Variants in MTX2 observed in about 807,000 individuals in gnomAD.
MTX2 encodes metaxin-2.
MTX2 carries 35 observed loss-of-function variants against 42.3 expected under a neutral mutation model. The ratio of observed to expected loss-of-function variants is 0.83; its 90% CI spans 0.63 to 1.10. The LOEUF is 1.10. MTX2 is among the 50% of genes least tolerant of loss of function. The pLI is 0.00. For synonymous variants in MTX2, 119 were observed against 100.9 expected (o/e 1.18, Z -1.08); for missense variants, 307 against 304.1 (o/e 1.01, Z -0.07).
intron 3 of MTX2, among the ~76,000 whole-genome samples, chr2:176,305,344 A>G (rs931234533): frequency 2.0e-5 from 3 of 152,056 alleles, no homozygotes; most frequent in African/African-American, 7.2e-5. Context: ...TCATTATAGG[A>G]GCTCAGAAAA....
intron 3 of MTX2, among the ~76,000 whole-genome samples, chr2:176,299,817 C>G (rs1683979515): frequency 6.6e-6 from 1 of 152,002 alleles, no homozygotes; most frequent in Admixed American, 6.6e-5. Context: ...GGATTATTTT[C>G]TAGAAGATAC....
At chr2:176,280,483 T>A (rs1693053239) in intron 1 of MTX2, among the ~76,000 whole-genome samples, 1 of 152,370 alleles carries the variant, frequency 6.6e-6, no homozygotes, top group African/African-American at 2.4e-5. Context: ...ACAGCCACTT[T>A]CTTATGTTTA....
chr2:176,337,279 C>G (rs1261136432), intron 9 of MTX2, among the ~76,000 whole-genome samples: 2 of 152,088 alleles, frequency 1.3e-5, no homozygotes, highest in Non-Finnish European at 2.9e-5. Context: ...TGAGTTCAAA[C>G]AGTCCGCCCA....
At chr2:176,320,063 T>C (rs1390897799) in intron 3 of MTX2, among the ~76,000 whole-genome samples, 2 of 152,142 alleles carry the variant, frequency 1.3e-5, no homozygotes, top group Non-Finnish European at 2.9e-5. Flanking sequence ...CTAACTAGAA[T>C]TATGCTATCA....
rs1316087881 is a variant in MTX2 at position 176,269,442 on chromosome 2, G to T, written c.-188G>T. ...AGTGCCGTTGTCGGCTGCGCCGGAAGTCCCTAGCCAGGCCTGGCGGTAACC... is the reference window on the plus strand; with the variant it reads ...AGTGCCGTTGTCGGCTGCGCCGGAATTCCCTAGCCAGGCCTGGCGGTAACC... On this transcript the variant is annotated 5_prime_UTR_variant, in exon 1 of 10. Transcript: ENST00000249442. The T allele has an allele frequency of 6.0e-5, 36 of 596,514 alleles. No homozygotes were observed. The highest frequency in any genetic ancestry group is 9.4e-5 in the Non-Finnish European group (35 of 371,632). 37.0% of individuals were successfully genotyped at this position (596,514 alleles called of 1,614,324 possible).
chr2:176,295,631 A>G lies in MTX2; in HGVS notation c.41-1229A>G, dbSNP rs114775560. On this transcript the variant is annotated intron_variant, in intron 1 of 9. Coordinates refer to ENST00000249442, the MANE Select transcript of MTX2 (RefSeq NM_006554.5). ...ATACAAGTTTAATTTTGTGTAGCCCAAACCAAACTAAACCTAAAAGTCACA... is the reference window on the plus strand; with the variant it reads ...ATACAAGTTTAATTTTGTGTAGCCCGAACCAAACTAAACCTAAAAGTCACA... 5.8e-3 allele frequency among the ~76,000 whole-genome samples: 879 copies of G among 152,290 alleles called. 4 individuals carry two copies. Among genetic ancestry groups the G allele is most frequent in the African/African-American group, 0.02 (827 of 41,566 alleles).
chr2:176,272,456 A>G (rs559067990), intron 1 of MTX2, among the ~76,000 whole-genome samples: 9 of 152,340 alleles, frequency 5.9e-5, no homozygotes, highest in African/African-American at 2.2e-4. Flanking sequence ...TGATGGATAT[A>G]TTAATTACCT....
At chr2:176,326,353 A>T (rs770267885) in intron 4 of MTX2, among the ~76,000 whole-genome samples, 1 of 151,680 alleles carries the variant, frequency 6.6e-6, no homozygotes, top group Non-Finnish European at 1.5e-5. Context: ...TAAAATGTTG[A>T]TCTCAATGGG....
At chr2:176,273,326 T>C (rs924297313) in intron 1 of MTX2, among the ~76,000 whole-genome samples, 5 of 152,230 alleles carry the variant, frequency 3.3e-5, no homozygotes, top group African/African-American at 1.2e-4. Context: ...TGTGTTTGAC[T>C]TGTAAATGAC....
At chr2:176,277,391 A>G (rs1244929705) in intron 1 of MTX2, among the ~76,000 whole-genome samples, 1 of 152,212 alleles carries the variant, frequency 6.6e-6, no homozygotes, top group Admixed American at 6.5e-5. Context: ...GAAGAAATAC[A>G]ATGCATTAAA....
chr2:176,281,881 A>G (rs755370301), intron 1 of MTX2, among the ~76,000 whole-genome samples: 12 of 152,136 alleles, frequency 7.9e-5, no homozygotes, highest in African/African-American at 2.9e-4. Context: ...ACATGCATGC[A>G]TATACAAATA....
Position 176,296,841 on chromosome 2 carries a change from C to G in MTX2, c.41-19C>G. ...GTTTTTGCTTTATGTGCCTAATTAT[C>G]ACTGCCTTGTTTCCATAGCTGCAGA... On this transcript the variant is annotated intron_variant, in intron 1 of 9. Transcript: ENST00000249442. The G allele has an allele frequency of 6.2e-7, 1 of 1,612,732 alleles. No individual in the cohort carries two copies. The highest frequency in any genetic ancestry group is 1.7e-5 in the Admixed American group (1 of 60,000).
intron 9 of MTX2, among the ~76,000 whole-genome samples, chr2:176,335,623 C>G (rs1330887452): frequency 6.6e-6 from 1 of 151,840 alleles, no homozygotes; most frequent in Non-Finnish European, 1.5e-5. Flanking sequence ...GAGGTAGTGT[C>G]TCACCAGACT....
intron 9 of MTX2, among the ~76,000 whole-genome samples, chr2:176,334,587 G>A (rs1181270607): frequency 6.6e-6 from 1 of 151,562 alleles, no homozygotes; most frequent in Non-Finnish European, 1.5e-5. Flanking sequence ...TATACTGTTG[G>A]CTACCCATTT....
chr2:176,307,802 AGAC>A (rs1684189623), intron 3 of MTX2, among the ~76,000 whole-genome samples: 4 of 152,132 alleles, frequency 2.6e-5, no homozygotes, highest in Admixed American at 2.6e-4. Context: ...TTTTGGGCTG[AGAC>A]GATGGGGTTT....
At position 176,323,447 on chromosome 2, in the gene MTX2, AAT is replaced by A; in HGVS notation, c.196_197del (p.Met66ValfsTer5). 6.2e-7 allele frequency: 1 copy of A among 1,610,976 alleles called. No homozygotes were observed. The highest frequency in any genetic ancestry group is 8.5e-7 in the Non-Finnish European group (1 of 1,178,048). On this transcript the variant is annotated frameshift_variant, in exon 4 of 10. Transcript: ENST00000249442. LOFTEE classifies it high-confidence loss of function. The stretch of plus-strand genomic sequence containing the variant: ...AAAGTAGTTTGTAGGGCAAATGCAG[AAT>A]ATATGTCTCCATCTGGTAAGTGTGT...
Position 176,337,730 on chromosome 2 carries a change from A to G in MTX2, c.*66A>G, listed in dbSNP as rs1050956779. Reference sequence around the variant, plus strand: ...GTTTTACTTGAATGTTACATTAGATATTGGTGTCAGAATTTTAAAACCAAA... The same window carrying G: ...GTTTTACTTGAATGTTACATTAGATGTTGGTGTCAGAATTTTAAAACCAAA... On this transcript the variant is annotated 3_prime_UTR_variant, in exon 10 of 10. Coordinates refer to ENST00000249442, the MANE Select transcript of MTX2 (RefSeq NM_006554.5). 47 of 1,410,556 alleles carry G rather than the reference A, an allele frequency of 3.3e-5. No homozygotes were observed. The highest frequency in any genetic ancestry group is 4.2e-5 in the Non-Finnish European group (44 of 1,056,644). The allele number at this position is 1,410,556 out of a possible 1,614,324, so 87.4% of individuals were successfully genotyped here. A position where few individuals can be genotyped will look rare whatever the true frequency, so the allele number is the denominator to read the frequency against.
intron 5 of MTX2, among the ~76,000 whole-genome samples, chr2:176,327,836 G>A (rs889307310): frequency 2.7e-5 from 4 of 150,900 alleles, no homozygotes; most frequent in South Asian, 2.1e-4. Flanking sequence ...TGAACTAAAG[G>A]TTATATCATT....
intron 5 of MTX2, among the ~76,000 whole-genome samples, chr2:176,327,439 C>T (rs1232824600): frequency 2.7e-5 from 4 of 150,784 alleles, no homozygotes; most frequent in African/African-American, 7.3e-5. Context: ...TATTATTTTG[C>T]AACATACCTT....
Sources: allele counts gnomAD v4.1 joint callset (sites outside exome capture counted in the v4.1 genomes callset), GRCh38; gene constraint gnomAD v4.1.1; transcripts MANE v1.5; gene names NCBI Gene and HGNC (gene_info 2026-07-23, HGNC 2026-07-21).